COBLL1: variants seen among roughly 807,000 people sequenced by gnomAD.
COBLL1 encodes cordon-bleu WH2 repeat protein like 1.
A neutral mutation model predicts 94.8 loss-of-function variants in COBLL1; 50 were observed. The observed-to-expected ratio is 0.53, with a 90% CI of 0.42 to 0.67. The LOEUF is 0.67. COBLL1 is among the 30% of genes least tolerant of loss of function. The pLI is 0.00. For missense variants in COBLL1, 1,362 were observed against 1,348.7 expected, an observed-to-expected ratio of 1.01 and a Z score of -0.15; for synonymous variants, 448 against 473.8, an observed-to-expected ratio of 0.95 and a Z score of 0.71.
chr2:164,747,354 C>CTGT (rs1686915370), intron 2 of COBLL1, among the ~76,000 whole-genome samples: 1 of 152,150 alleles, frequency 6.6e-6, no homozygotes. Context: ...GTTTTGATGT[C>CTGT]TGTGTGTGAC....
chr2:164,828,799 T>A (rs1332967200), intron 2 of COBLL1, among the ~76,000 whole-genome samples: 3 of 152,242 alleles, frequency 2.0e-5, no homozygotes, highest in African/African-American at 7.2e-5. Flanking sequence ...TTGAAAGACT[T>A]AGAATCATAT....
At chr2:164,676,708 G>A (rs866729078), downstream of COBLL1, among the ~76,000 whole-genome samples, 3 of 149,994 alleles carry the variant, frequency 2.0e-5, no homozygotes, top group Middle Eastern at 3.5e-3. Context: ...TTTCTGCCAC[G>A]AGTCTAGAGC....
chr2:164,737,455 C>A (rs1343865906), intron 3 of COBLL1, among the ~76,000 whole-genome samples: 4 of 152,128 alleles, frequency 2.6e-5, no homozygotes, highest in Non-Finnish European at 4.4e-5. Context: ...TCAAGTAGTA[C>A]TGTTATGTCT....
rs1385263992 is a variant in COBLL1 at position 164,695,027 on chromosome 2, G to A, written c.2365C>T (p.Pro789Ser). 1.2e-6 allele frequency: 2 copies of A among 1,613,604 alleles called. No homozygotes were observed. The highest frequency in any genetic ancestry group is 2.7e-5 in the African/African-American group (2 of 74,780). ...QTEDSAISESPEEPLPNLKPK... is the reference protein window; with the variant it reads ...QTEDSAISESSEEPLPNLKPK... ...TTAAGGTTTGGCAGTGGCTCTTCTG[G>A]GCTTTCAGAAATAGCAGAATCTTCT... Residue 789 changes from proline to serine, a missense_variant, in exon 12 of 14, where the codon CCA becomes TCA. By Grantham distance (74) the Pro-to-Ser change is moderately conservative. Coordinates refer to ENST00000652658, the MANE Select transcript of COBLL1 (RefSeq NM_001365672.2).
At chr2:164,761,665 T>C (rs1363747650) in intron 2 of COBLL1, among the ~76,000 whole-genome samples, 3 of 152,138 alleles carry the variant, frequency 2.0e-5, no homozygotes, top group Non-Finnish European at 4.4e-5. Context: ...TGTTGGCAAA[T>C]CATAAACAAA....
At chr2:164,806,851 T>C (rs1271594018) in intron 2 of COBLL1, among the ~76,000 whole-genome samples, 3 of 152,080 alleles carry the variant, frequency 2.0e-5, no homozygotes, top group Non-Finnish European at 4.4e-5. Context: ...AAGCATGTGC[T>C]GCCACACTCG....
chr2:164,760,582 T>C (rs1453668872), intron 2 of COBLL1, among the ~76,000 whole-genome samples: 3 of 152,200 alleles, frequency 2.0e-5, no homozygotes, highest in Non-Finnish European at 4.4e-5. Context: ...GAATAAGGTC[T>C]GTACCTGTGT....
chr2:164,733,261 TAATA>T (rs1686116603), intron 3 of COBLL1, among the ~76,000 whole-genome samples: 1 of 152,204 alleles, frequency 6.6e-6, no homozygotes, highest in African/African-American at 2.4e-5. Context: ...TTTTCTAATC[TAATA>T]AATAGTGTGG....
At chr2:164,799,964 T>TA (rs1250330539) in intron 2 of COBLL1, among the ~76,000 whole-genome samples, 9 of 152,256 alleles carry the variant, frequency 5.9e-5, no homozygotes, top group African/African-American at 2.2e-4. Context: ...TACATCTAAA[T>TA]ACAAAATGAA....
chr2:164,735,804 G>A (rs1425428395), intron 3 of COBLL1, among the ~76,000 whole-genome samples: 1 of 151,846 alleles, frequency 6.6e-6, no homozygotes, highest in Non-Finnish European at 1.5e-5. Flanking sequence ...TTGACCACAG[G>A]ATCACCACAG....
intron 2 of COBLL1, among the ~76,000 whole-genome samples, chr2:164,839,767 T>C (rs920836054): frequency 6.6e-6 from 1 of 152,222 alleles, no homozygotes; most frequent in African/African-American, 2.4e-5. Flanking sequence ...CTTGCTTGTA[T>C]GCTCAATATC....
At chr2:164,676,853 T>C (rs1691347183), downstream of COBLL1, among the ~76,000 whole-genome samples, 1 of 152,154 alleles carries the variant, frequency 6.6e-6, no homozygotes, top group Admixed American at 6.5e-5. Context: ...CTTAGAGGAA[T>C]TCTACACTCT....
chr2:164,712,389 G>T (rs1684942527), intron 7 of COBLL1, among the ~76,000 whole-genome samples: 1 of 152,092 alleles, frequency 6.6e-6, no homozygotes, highest in South Asian at 2.1e-4. Context: ...GGTTAGTGGA[G>T]AGAATGTAAA....
At chr2:164,800,022 A>G (rs1444191981) in intron 2 of COBLL1, among the ~76,000 whole-genome samples, 2 of 152,216 alleles carry the variant, frequency 1.3e-5, no homozygotes, top group African/African-American at 4.8e-5. Context: ...ATCTGGATTT[A>G]GGCAACAAGT....
At chr2:164,743,563 G>A in intron 3 of COBLL1, 124 bp downstream of exon 3, 1 of 747,278 alleles carries the variant, frequency 1.3e-6, no homozygotes. Flanking sequence ...TTTTTAACAG[G>A]TAACTAAACT....
chr2:164,702,055 T>C (rs1033982733), intron 9 of COBLL1, among the ~76,000 whole-genome samples: 29 of 152,244 alleles, frequency 1.9e-4, no homozygotes, highest in African/African-American at 6.7e-4. Context: ...AGTGTGCTAT[T>C]TGTGCTCTTT....
intron 2 of COBLL1, among the ~76,000 whole-genome samples, chr2:164,662,289 C>G (rs75265117): frequency 0.13 from 19,227 of 152,146 alleles, 1,308 homozygotes; most frequent in African/African-American, 0.16. Flanking sequence ...GACCTTGAGG[C>G]TACTCAGCCT....
Position 164,729,925 on chromosome 2 carries a change from T to C in COBLL1, c.421A>G (p.Ile141Val), listed in dbSNP as rs771764548. ...KMLDKKKPTP[I>V]IPEKTVRVVI... ...AATGGAATTCTTACCTCTGGTATTA[T>C]AGGTGTAGGTTTTTTCTTATCCAAC... is the stretch of plus-strand genomic sequence containing the variant. The change falls in exon 4 of 14, where the codon ATA becomes GTA. Residue 141 changes from isoleucine to valine, a missense_variant. By Grantham distance (29) the Ile-to-Val change is conservative. Coordinates refer to ENST00000652658, the MANE Select transcript of COBLL1 (RefSeq NM_001365672.2). 2.4e-5 allele frequency: 39 copies of C among 1,611,740 alleles called. No homozygotes were observed. Among genetic ancestry groups the C allele is most frequent in the Admixed American group, 1.0e-4 (6 of 59,994 alleles).
intron 1 of COBLL1, among the ~76,000 whole-genome samples, chr2:164,666,397 C>G (rs989112159): frequency 1.3e-5 from 2 of 152,140 alleles, no homozygotes. Flanking sequence ...TCTGAATCTT[C>G]AGTAAGTCGT....
Sources: allele counts gnomAD v4.1 joint callset (sites outside exome capture counted in the v4.1 genomes callset), GRCh38; gene constraint gnomAD v4.1.1; transcripts MANE v1.5; gene names NCBI Gene and HGNC (gene_info 2026-07-23, HGNC 2026-07-21).